The following MYOM2 variants were observed in gnomAD, a reference collection of about 807,000 sequenced individuals.
MYOM2 encodes myomesin-2.
A neutral mutation model predicts 187.6 loss-of-function variants in MYOM2; 254 were observed. The observed-to-expected ratio is 1.35, with a 90% CI of 1.22 to 1.50. MYOM2 has a LOEUF of 1.50. Ranked by LOEUF, MYOM2 falls within the 40% of genes most tolerant of loss-of-function variation. The probability of loss-of-function intolerance (pLI) is 0.00; values close to 1 mark genes in which losing one functional copy is unlikely to be tolerated. For missense variants in MYOM2, 2,796 were observed against 1,924.0 expected, an observed-to-expected ratio of 1.45 and a Z score of -8.48; for synonymous variants, 981 against 753.8, an observed-to-expected ratio of 1.30 and a Z score of -4.94.
In MYOM2 at chr8:2,140,920, C is replaced by A. The variant is rs115413109; in HGVS notation, c.3964+34C>A. ...ATTCTTCTTTAGCATTTAATAATTT[C>A]CTATTTAGAAATCCATTTAGATGCT... On this transcript the variant is annotated intron_variant, in intron 33 of 36. Coordinates refer to ENST00000262113, the MANE Select transcript of MYOM2 (RefSeq NM_003970.4). The A allele has an allele frequency of 2.6e-6, 4 of 1,567,562 alleles. No individual in the cohort carries two copies. In the South Asian group the frequency reaches 3.6e-5, roughly 14 times the overall value.
At chr8:2,103,636 G>C (rs60097570) in intron 21 of MYOM2, among the ~76,000 whole-genome samples, 2 of 149,842 alleles carry the variant, frequency 1.3e-5, no homozygotes, top group Non-Finnish European at 1.5e-5. Flanking sequence ...ATGAGTGGGA[G>C]AGCGTGCATG....
intron 31 of MYOM2, among the ~76,000 whole-genome samples, chr8:2,128,655 C>T (rs1024509741): frequency 1.3e-5 from 2 of 152,166 alleles, no homozygotes; most frequent in Non-Finnish European, 2.9e-5. Context: ...TGCTTTCCTT[C>T]CTCTGACCCA....
intron 32 of MYOM2, among the ~76,000 whole-genome samples, chr8:2,129,973 G>T (rs902554266): frequency 1.3e-5 from 2 of 152,196 alleles, no homozygotes; most frequent in Admixed American, 1.3e-4. Context: ...ACAGAGCAGG[G>T]ACGGTGGCTT....
rs1337516522 is a variant in MYOM2 at position 2,136,363 on chromosome 8, G to A, written c.3801-4360G>A. Among the ~76,000 whole-genome samples the A allele has an allele frequency of 1.3e-5, 2 of 152,116 alleles. 1 individual carries two copies. The highest frequency in any genetic ancestry group is 4.1e-4 in the South Asian group (2 of 4,832). On this transcript the variant is annotated intron_variant, in intron 32 of 36. Transcript: ENST00000262113. ...GAGGCCGCAGCTGTGACGGAGGTGG[G>A]GCCAGAAGCATGTGGGGTGCCAGAA...
chr8:2,064,980 G>T (rs1365094643), intron 6 of MYOM2, among the ~76,000 whole-genome samples: 1 of 152,252 alleles, frequency 6.6e-6, no homozygotes, highest in Non-Finnish European at 1.5e-5. Flanking sequence ...CCGTAGAGGA[G>T]AGGCCAGAAG....
chr8:2,092,804 T>C (rs1312619417), intron 16 of MYOM2, among the ~76,000 whole-genome samples: 1 of 152,228 alleles, frequency 6.6e-6, no homozygotes, highest in Admixed American at 6.5e-5. Flanking sequence ...GGCCTTTTCT[T>C]TGAATAGCAG....
At chr8:2,126,922 G>C (rs1445225871) in intron 31 of MYOM2, among the ~76,000 whole-genome samples, 1 of 148,468 alleles carries the variant, frequency 6.7e-6, no homozygotes, top group Non-Finnish European at 1.5e-5. Flanking sequence ...CACTGGGGGA[G>C]GCAGATAGAG....
At chr8:2,049,543 C>A (rs1439071167) in intron 1 of MYOM2, among the ~76,000 whole-genome samples, 1 of 152,204 alleles carries the variant, frequency 6.6e-6, no homozygotes, top group Non-Finnish European at 1.5e-5. Context: ...TTGGCATTTT[C>A]CACCCAAGTC....
At chr8:2,095,186 T>C (rs939554676) in intron 17 of MYOM2, among the ~76,000 whole-genome samples, 3 of 152,216 alleles carry the variant, frequency 2.0e-5, no homozygotes, top group African/African-American at 7.2e-5. Flanking sequence ...ACAATAGCGC[T>C]GACTCTTTTG....
chr8:2,094,241 C>G (rs1285014265), intron 17 of MYOM2, 150 bp downstream of exon 17: 1 of 974,916 alleles, frequency 1.0e-6, no homozygotes, highest in Non-Finnish European at 1.5e-6. Context: ...TTTGAAGCCT[C>G]TCGGTTGGCT....
Position 2,106,534 on chromosome 8 carries a change from A to T in MYOM2, c.2935A>T (p.Thr979Ser), listed in dbSNP as rs1796899195. 6.2e-7 allele frequency: 1 copy of T among 1,612,478 alleles called. No homozygotes were observed. The highest frequency in any genetic ancestry group is 1.3e-5 in the African/African-American group (1 of 74,922). Reference sequence around the variant, plus strand: ...GAATCCGGATAAGGAGGATTTAGGGACTTACTCCGTGTCTGTAAGTGATAC... The same window carrying T: ...GAATCCGGATAAGGAGGATTTAGGGTCTTACTCCGTGTCTGTAAGTGATAC... The part of the protein sequence containing the change: ...LKNPDKEDLG[T>S]YSVSVSDTDG... The change falls in exon 23 of 37, where the codon ACT becomes TCT. Residue 979 changes from threonine (T) to serine (S), a missense_variant. Coordinates refer to ENST00000262113, the MANE Select transcript of MYOM2 (RefSeq NM_003970.4).
intron 32 of MYOM2, among the ~76,000 whole-genome samples, chr8:2,130,092 C>G (rs945729071): frequency 6.6e-6 from 1 of 151,758 alleles, no homozygotes; most frequent in Non-Finnish European, 1.5e-5. Flanking sequence ...CCAGGGCGCC[C>G]ACACCCCGCC....
intron 25 of MYOM2, among the ~76,000 whole-genome samples, chr8:2,112,510 C>G (rs1205504300): frequency 6.6e-6 from 1 of 151,866 alleles, no homozygotes; most frequent in Non-Finnish European, 1.5e-5. Flanking sequence ...GAGGGGTGGG[C>G]TCAACGGAGG....
chr8:2,080,952 A>C (rs1272657565), intron 13 of MYOM2, among the ~76,000 whole-genome samples: 3 of 123,014 alleles, frequency 2.4e-5, no homozygotes, highest in South Asian at 5.8e-4. Context: ...GCCCTTGCAG[A>C]ATGAGGTTTG....
intron 14 of MYOM2, among the ~76,000 whole-genome samples, chr8:2,086,819 C>T (rs1410015951): frequency 6.6e-6 from 1 of 152,208 alleles, no homozygotes; most frequent in African/African-American, 2.4e-5. Flanking sequence ...GCTGGGGATT[C>T]CAGATTCCTC....
intron 36 of MYOM2, 121 bp downstream of exon 36, chr8:2,143,577 C>A: frequency 8.2e-7 from 1 of 1,220,652 alleles, no homozygotes; most frequent in Non-Finnish European, 1.2e-6. Flanking sequence ...ACTCAGCCTG[C>A]AGGGAACCCA....
intron 11 of MYOM2, among the ~76,000 whole-genome samples, chr8:2,077,137 C>G (rs984767158): frequency 1.3e-5 from 2 of 152,056 alleles, no homozygotes; most frequent in African/African-American, 2.4e-5. Context: ...TGGTGAAACC[C>G]TGTCTCTACT....
intron 31 of MYOM2, among the ~76,000 whole-genome samples, chr8:2,126,834 G>A (rs538445664): frequency 9.5e-5 from 13 of 136,512 alleles, no homozygotes; most frequent in African/African-American, 1.6e-4. Flanking sequence ...GGGAGCACTG[G>A]GAGAGGTTGA....
chr8:2,116,396 T>A, intron 27 of MYOM2, 121 bp downstream of exon 27: 1 of 980,210 alleles, frequency 1.0e-6, no homozygotes, highest in Non-Finnish European at 1.5e-6. Flanking sequence ...TTTAAATGAT[T>A]AAGAGGTTAG....
Sources: allele counts gnomAD v4.1 joint callset (sites outside exome capture counted in the v4.1 genomes callset), GRCh38; gene constraint gnomAD v4.1.1; transcripts MANE v1.5; gene names NCBI Gene and HGNC (gene_info 2026-07-23, HGNC 2026-07-21).